Variants in TAFA1 observed in about 807,000 individuals in gnomAD.
The protein encoded by TAFA1 is chemokine-like protein TAFA-1.
In TAFA1, 4 loss-of-function variants were observed where a neutral mutation model predicts 18.5. The ratio of observed to expected loss-of-function variants is 0.22; its 90% confidence interval spans 0.11 to 0.49. The LOEUF (loss-of-function observed/expected upper bound fraction) is 0.49, where lower values mean the gene tolerates loss of function less well. TAFA1 is among the 20% of genes least tolerant of loss of function. The probability of loss-of-function intolerance (pLI) is 0.98; values close to 1 mark genes in which losing one functional copy is unlikely to be tolerated. For missense variants in TAFA1, 147 were observed against 169.0 expected, an observed-to-expected ratio of 0.87 and a Z score of 0.72; for synonymous variants, 56 against 55.2, an observed-to-expected ratio of 1.01 and a Z score of -0.06.
At chr3:68,121,790 G>A (rs560898509) in intron 2 of TAFA1, among the ~76,000 whole-genome samples, 2 of 152,128 alleles carry the variant, frequency 1.3e-5, no homozygotes, top group Non-Finnish European at 2.9e-5. Flanking sequence ...TGAATTCAAA[G>A]AGGGGTGTCC....
intron 2 of TAFA1, among the ~76,000 whole-genome samples, chr3:68,104,201 A>T (rs1455600572): frequency 1.3e-5 from 2 of 152,160 alleles, no homozygotes; most frequent in African/African-American, 4.8e-5. Flanking sequence ...AAAAAAACTC[A>T]GATTAATATG....
chr3:68,253,356 G>A (rs2067232899), intron 2 of TAFA1, among the ~76,000 whole-genome samples: 1 of 152,094 alleles, frequency 6.6e-6, no homozygotes, highest in Non-Finnish European at 1.5e-5. Context: ...TTGCTTCCCA[G>A]ATGGTTTTCC....
At chr3:68,479,092 A>G (rs752776767) in intron 3 of TAFA1, among the ~76,000 whole-genome samples, 59 of 150,502 alleles carry the variant, frequency 3.9e-4, no homozygotes, top group Non-Finnish European at 7.5e-4. Flanking sequence ...TTAACTGGGC[A>G]TGGTGACGCG....
chr3:68,544,747 A>G lies in TAFA1; in HGVS notation c.*244A>G. On this transcript the variant is annotated 3_prime_UTR_variant, in exon 5 of 5. Transcript: ENST00000478136. ...TTTCTCAGTGAAATTTTTGGGCATC[A>G]TGAAGAACGATCAACTATCTTCTAA... is the stretch of plus-strand genomic sequence containing the variant. The G allele has an allele frequency of 2.6e-6, 1 of 379,256 alleles. No homozygotes were observed. Among genetic ancestry groups the G allele is most frequent in the Non-Finnish European group, 4.8e-6 (1 of 209,632 alleles). 23.5% of individuals were successfully genotyped at this position (379,256 alleles called of 1,614,324 possible).
intron 3 of TAFA1, among the ~76,000 whole-genome samples, chr3:68,485,707 C>T (rs916854565): frequency 6.6e-6 from 1 of 152,218 alleles, no homozygotes; most frequent in Non-Finnish European, 1.5e-5. Context: ...GATTCAGACC[C>T]TCTCACTGGC....
At chr3:68,122,667 C>A (rs1208094670) in intron 2 of TAFA1, among the ~76,000 whole-genome samples, 1 of 151,874 alleles carries the variant, frequency 6.6e-6, no homozygotes, top group Non-Finnish European at 1.5e-5. Flanking sequence ...TTGTAAAAGG[C>A]AAAGCCTGAA....
intron 2 of TAFA1, among the ~76,000 whole-genome samples, chr3:68,138,950 G>T (rs141137301): frequency 6.6e-6 from 1 of 152,160 alleles, no homozygotes; most frequent in Non-Finnish European, 1.5e-5. Context: ...ATGGGCCTCT[G>T]TCAAAGGGAG....
At chr3:68,232,785 G>A (rs150505834) in intron 2 of TAFA1, among the ~76,000 whole-genome samples, 1 of 152,118 alleles carries the variant, frequency 6.6e-6, no homozygotes, top group African/African-American at 2.4e-5. Context: ...TTTAATATTT[G>A]TAGAGATGAG....
In TAFA1 at chr3:68,394,937, C is replaced by G. The variant is rs533646416; in HGVS notation, c.119-22343C>G. The stretch of plus-strand genomic sequence containing the variant: ...CCAAAAGCAATTGCAACAAAAGCCA[C>G]AATTGACAAATGGGATCTAATTAAA... On this transcript the variant is annotated intron_variant, in intron 2 of 4. Transcript: ENST00000478136. Among the ~76,000 whole-genome samples, 4 of 152,128 alleles carry G rather than the reference C, an allele frequency of 2.6e-5. No individual in the cohort carries two copies. The South Asian group carries it at 8.3e-4, about 32-fold the overall frequency.
chr3:68,165,963 A>G (rs1448462171), intron 2 of TAFA1, among the ~76,000 whole-genome samples: 1 of 152,240 alleles, frequency 6.6e-6, no homozygotes, highest in Non-Finnish European at 1.5e-5. Flanking sequence ...AGAAGGGAAT[A>G]GTTCATTCTG....
At chr3:68,223,231 G>A (rs1377377455) in intron 2 of TAFA1, among the ~76,000 whole-genome samples, 2 of 152,156 alleles carry the variant, frequency 1.3e-5, no homozygotes, top group East Asian at 3.9e-4. Context: ...GGTTGAGATC[G>A]CTTATTAAAC....
chr3:68,056,807 GA>G (rs1352411645), intron 2 of TAFA1, among the ~76,000 whole-genome samples: 1 of 152,070 alleles, frequency 6.6e-6, no homozygotes. Context: ...GTAGTTCCAA[GA>G]AAAAAAGCAA....
chr3:68,362,096 TG>T (rs768510619), intron 2 of TAFA1, among the ~76,000 whole-genome samples: 2 of 152,282 alleles, frequency 1.3e-5, no homozygotes, highest in East Asian at 1.9e-4. Context: ...GGTTGGGTTT[TG>T]TTGGTATGGA....
chr3:68,298,698 A>G (rs538734932), intron 2 of TAFA1, among the ~76,000 whole-genome samples: 1 of 152,310 alleles, frequency 6.6e-6, no homozygotes, highest in East Asian at 1.9e-4. Context: ...TAGTTCCTCC[A>G]GTATTCATTC....
At chr3:68,380,635 A>G (rs576055975) in intron 2 of TAFA1, among the ~76,000 whole-genome samples, 6 of 152,050 alleles carry the variant, frequency 3.9e-5, no homozygotes, top group Admixed American at 2.0e-4. Flanking sequence ...TTTCTTGTAA[A>G]TTTGTTTGAG....
At chr3:68,371,159 A>T (rs262205) in intron 2 of TAFA1, among the ~76,000 whole-genome samples, 95,216 of 151,864 alleles carry the variant, frequency 0.63, 30,595 homozygotes, top group East Asian at 1. Flanking sequence ...AAAGAAAACT[A>T]CTCTGAGCCT....
chr3:68,467,173 C>G (rs1267534935), intron 3 of TAFA1, among the ~76,000 whole-genome samples: 2 of 152,052 alleles, frequency 1.3e-5, no homozygotes, highest in Non-Finnish European at 2.9e-5. Flanking sequence ...TTTAAGGTGC[C>G]CAGATTTCAT....
At chr3:68,156,107 T>C (rs1213933593) in intron 2 of TAFA1, among the ~76,000 whole-genome samples, 2 of 152,138 alleles carry the variant, frequency 1.3e-5, no homozygotes, top group African/African-American at 4.8e-5. Flanking sequence ...CTAAGTGCAG[T>C]GGCAGAATAT....
chr3:68,370,470 G>GTGTATATATATATATATATATA (rs1187076749), intron 2 of TAFA1, among the ~76,000 whole-genome samples: 2 of 31,170 alleles, frequency 6.4e-5, no homozygotes, highest in African/African-American at 1.1e-4. Context: ...GTGTGTGTGT[G>GTGTATATATATATATATATATA]TGTATATATA....
Sources: allele counts gnomAD v4.1 joint callset (sites outside exome capture counted in the v4.1 genomes callset), GRCh38; gene constraint gnomAD v4.1.1; transcripts MANE v1.5; gene names NCBI Gene and HGNC (gene_info 2026-07-23, HGNC 2026-07-21).